The following AKR1C3 variants were observed in gnomAD, a reference collection of about 807,000 sequenced individuals.
AKR1C3 encodes aldo-keto reductase family 1 member C3, also known as 3-alpha hydroxysteroid dehydrogenase, type II.
Under a neutral mutation model 43.6 loss-of-function variants are expected in AKR1C3, and 48 were observed. The ratio of observed to expected loss-of-function variants is 1.10; its 90% CI spans 0.87 to 1.40. AKR1C3 has a LOEUF of 1.40. AKR1C3 is among the 40% of genes most tolerant of loss of function. AKR1C3 has a pLI of 0.00. For synonymous variants in AKR1C3, 162 were observed against 139.6 expected (o/e 1.16, Z -1.13); for missense variants, 482 against 391.2 (o/e 1.23, Z -1.96).
At chr10:5,064,434 A>G (rs1554780586) in intron 1 of AKR1C3, among the ~76,000 whole-genome samples, 2 of 152,216 alleles carry the variant, frequency 1.3e-5, no homozygotes, top group Non-Finnish European at 2.9e-5. Flanking sequence ...AAAACCCTTG[A>G]AGATATCCCA....
chr10:5,063,025 G>A (rs1289183757), intron 1 of AKR1C3, among the ~76,000 whole-genome samples: 1 of 152,124 alleles, frequency 6.6e-6, no homozygotes, highest in East Asian at 1.9e-4. Flanking sequence ...TCAGGATGAA[G>A]GAGAGGAAAT....
chr10:5,058,614 C>T (rs1382530189), intron 1 of AKR1C3, among the ~76,000 whole-genome samples: 1 of 152,112 alleles, frequency 6.6e-6, no homozygotes, highest in Admixed American at 6.5e-5. Flanking sequence ...ATCAGAATAC[C>T]TGTGCTCACC....
upstream of AKR1C3, among the ~76,000 whole-genome samples, chr10:5,090,697 G>C (rs1446007913): frequency 6.6e-6 from 1 of 152,036 alleles, no homozygotes; most frequent in African/African-American, 2.4e-5. Flanking sequence ...CAGGACCCCA[G>C]GGAAGTGATC....
chr10:5,052,531 T>A (rs1554779059), intron 1 of AKR1C3, among the ~76,000 whole-genome samples: 1 of 152,166 alleles, frequency 6.6e-6, no homozygotes, highest in African/African-American at 2.4e-5. Flanking sequence ...ATTGGTGTGT[T>A]TACAATCCCT....
At chr10:5,059,345 T>A (rs1838330272) in intron 1 of AKR1C3, among the ~76,000 whole-genome samples, 1 of 152,148 alleles carries the variant, frequency 6.6e-6, no homozygotes, top group African/African-American at 2.4e-5. Flanking sequence ...TGGCAAGCTT[T>A]AGGACCCAGG....
chr10:5,105,202 C>G lies in AKR1C3; in HGVS notation c.847-393C>G, dbSNP rs879953850. On this transcript the variant is annotated intron_variant, in intron 7 of 8. Coordinates refer to ENST00000380554, the MANE Select transcript of AKR1C3 (RefSeq NM_003739.6). ...TGTTTATTAAAGAGATATAGAAATT[C>G]AACAATATCTATCAAACTTAATATA... is the stretch of plus-strand genomic sequence containing the variant. 2.0e-3 allele frequency: 315 copies of G among 158,134 alleles called. 2 individuals carry two copies. Among genetic ancestry groups the G allele is most frequent in the Non-Finnish European group, 3.4e-3 (247 of 72,074 alleles). The allele number at this position is 158,134 out of a possible 1,614,324, so 9.8% of individuals were successfully genotyped here.
chr10:5,094,401 GAGA>G (rs1554784817), upstream of AKR1C3: 1 of 1,599,576 alleles, frequency 6.3e-7, no homozygotes, highest in East Asian at 2.3e-5. Flanking sequence ...AATCTCTGAG[GAGA>G]AGCAGCAGCA....
At chr10:5,052,100 G>A (rs1276455941) in intron 1 of AKR1C3, among the ~76,000 whole-genome samples, 5 of 152,120 alleles carry the variant, frequency 3.3e-5, no homozygotes, top group Admixed American at 6.5e-5. Context: ...ATGTTCGGAC[G>A]TATTCGGAGT....
chr10:5,102,935 G>T (rs932413865), intron 7 of AKR1C3, among the ~76,000 whole-genome samples: 6 of 144,190 alleles, frequency 4.2e-5, no homozygotes, highest in Admixed American at 1.4e-4. Flanking sequence ...CATGTTGTTT[G>T]TTTGGTTTTG....
At position 5,073,007 on chromosome 10, in the gene AKR1C3, A is replaced by G. The variant is rs79920620; in HGVS notation, c.85-23403A>G. On this transcript the variant is annotated intron_variant, in intron 1 of 8. Transcript: ENST00000439082. ...GAGACAGAGTCTTGCTCTTTCTCCCAGGTTAGAGTGTAGTGGCACAATCTT... is the reference window on the plus strand; with the variant it reads ...GAGACAGAGTCTTGCTCTTTCTCCCGGGTTAGAGTGTAGTGGCACAATCTT... Among the ~76,000 whole-genome samples, 1,501 of 152,204 alleles carry G rather than the reference A, an allele frequency of 9.9e-3. 29 individuals are homozygous for G. The highest frequency in any genetic ancestry group is 0.035 in the African/African-American group (1,440 of 41,514).
chr10:5,082,801 T>C (rs1838865022), intron 1 of AKR1C3, among the ~76,000 whole-genome samples: 1 of 152,208 alleles, frequency 6.6e-6, no homozygotes, highest in Non-Finnish European at 1.5e-5. Flanking sequence ...AGGATGATAC[T>C]AGTTTAGTAG....
Position 5,107,681 on chromosome 10 carries a change from A to AT in AKR1C3, c.*178_*179insT, listed in dbSNP as rs1554787575. 9 of 556,774 alleles carry AT rather than the reference A, an allele frequency of 1.6e-5. No homozygotes were observed. The highest frequency in any genetic ancestry group is 1.6e-4 in the African/African-American group (8 of 50,938). The allele number at this position is 556,774 out of a possible 1,614,324, so 34.5% of individuals were successfully genotyped here. Reference sequence around the variant, plus strand: ...AAGACAATAAATTTTTATCATTTTGAAATAATTGAATGTTTTCTCAAAGAT... The same window carrying AT: ...AAGACAATAAATTTTTATCATTTTGATAATAATTGAATGTTTTCTCAAAGAT... On this transcript the variant is annotated 3_prime_UTR_variant, in exon 9 of 9. Transcript: ENST00000380554.
intron 7 of AKR1C3, among the ~76,000 whole-genome samples, chr10:5,102,958 TGAGACA>T (rs1378682168): frequency 6.6e-6 from 1 of 151,786 alleles, no homozygotes; most frequent in Admixed American, 6.6e-5. Flanking sequence ...TTTTTTTTTT[TGAGACA>T]GAGTCTCATT....
At position 5,085,164 on chromosome 10, in the gene AKR1C3, G is replaced by C. The variant is rs568573173; in HGVS notation, c.85-11246G>C. On this transcript the variant is annotated intron_variant, in intron 1 of 8. Coordinates refer to the AKR1C3 transcript ENST00000439082. ...TCCCTGTCTTGTGCCAGTTTTCAAA[G>C]GGAATGCTTCCAGTTTTTGCCCATT... is the stretch of plus-strand genomic sequence containing the variant. 6.3e-4 allele frequency among the ~76,000 whole-genome samples: 96 copies of C among 152,144 alleles called. No homozygotes were observed. In the South Asian group the frequency reaches 0.019, roughly 31 times the overall value.
At chr10:5,077,717 C>T (rs879967698) in intron 1 of AKR1C3, 9 of 1,176,838 alleles carry the variant, frequency 7.6e-6, no homozygotes, top group Non-Finnish European at 9.4e-6. Context: ...TAATCCTTTT[C>T]CCTTTAGAGA....
chr10:5,103,834 A>G (rs949331225), intron 7 of AKR1C3, among the ~76,000 whole-genome samples: 1 of 152,198 alleles, frequency 6.6e-6, no homozygotes, highest in Non-Finnish European at 1.5e-5. Flanking sequence ...CTAGAAATTC[A>G]TATAACCAAG....
intron 1 of AKR1C3, among the ~76,000 whole-genome samples, chr10:5,088,055 A>C (rs1230020408): frequency 1.3e-5 from 2 of 152,136 alleles, no homozygotes; most frequent in Non-Finnish European, 2.9e-5. Context: ...AATCTGTTGA[A>C]TTCTGAATTT....
intron 1 of AKR1C3, among the ~76,000 whole-genome samples, chr10:5,053,277 C>T (rs186680955): frequency 9.1e-4 from 139 of 152,358 alleles, no homozygotes; most frequent in African/African-American, 2.2e-4. Context: ...CTGCAGGTCC[C>T]GAGCCCTGCC....
chr10:5,052,906 T>G (rs912624674), intron 1 of AKR1C3, among the ~76,000 whole-genome samples: 9 of 149,152 alleles, frequency 6.0e-5, no homozygotes, highest in South Asian at 2.1e-4. Context: ...TACAATCCCT[T>G]AGCTAGACAT....
Sources: gnomAD v4.1 joint callset for allele counts (sites outside exome capture counted in the v4.1 genomes callset) on GRCh38, gnomAD v4.1.1 for gene constraint, MANE v1.5 for transcripts, NCBI Gene and HGNC (gene_info 2026-07-23, HGNC 2026-07-21) for gene names.